OR5B3: variants seen among roughly 807,000 people sequenced by gnomAD.
OR5B3 encodes the protein olfactory receptor 5B3.
For missense variants in OR5B3, 430 were observed against 375.4 expected (o/e 1.15, Z -1.20); for synonymous variants, 150 against 135.0 (o/e 1.11, Z -0.77).
Position 58,402,749 on chromosome 11 carries a change from T to C in OR5B3, c.661A>G (p.Ile221Val), listed in dbSNP as rs1213974212. 2 of 1,613,862 alleles carry C rather than the reference T, an allele frequency of 1.2e-6. No individual in the cohort carries two copies. The highest frequency in any genetic ancestry group is 1.7e-5 in the Admixed American group (1 of 59,914). ...VILISYTFIF[I>V]TILKMHSASV... ...GCTGAGTGCATCTTTAGGATGGTGA[T>C]AAAAATGAATGTGTAGGATATCAAG... is the stretch of plus-strand genomic sequence containing the variant. Residue 221 changes from isoleucine (I) to valine (V), a missense_variant, in exon 2 of 2, where the codon ATC (isoleucine) becomes GTC (valine). By Grantham distance (29) the Ile-to-Val change is conservative. Coordinates refer to ENST00000641865, the MANE Select transcript of OR5B3 (RefSeq NM_001005469.2).
chr11:58,406,720 CTTA>C (rs1461670984), intron 1 of OR5B3, 78 bp downstream of exon 1: 1 of 152,154 alleles, frequency 6.6e-6, no homozygotes, highest in African/African-American at 2.4e-5. Context: ...TCTCAAATAG[CTTA>C]TAGTAGGTAT....
chr11:58,403,495 T>G, intron 1 of OR5B3, 60 bp from the exon 2 acceptor site: 2 of 752,664 alleles, frequency 2.7e-6, no homozygotes, highest in South Asian at 3.8e-5. Flanking sequence ...TTGAAAAGTA[T>G]AAGTACAATA....
At chr11:58,406,576 A>G (rs1228345453) in intron 1 of OR5B3, among the ~76,000 whole-genome samples, 7 of 152,094 alleles carry the variant, frequency 4.6e-5, no homozygotes, top group African/African-American at 1.4e-4. Flanking sequence ...AGCATCATCT[A>G]TCTTATTTTT....
In OR5B3 at chr11:58,402,516, T is replaced by A. The variant is rs973608510; in HGVS notation, c.894A>T (p.Ala298=). 6.2e-7 allele frequency: 1 copy of A among 1,613,516 alleles called. No individual in the cohort carries two copies. The highest frequency in any genetic ancestry group is 1.1e-5 in the South Asian group (1 of 91,074). ...TTGCCTTCTCAACAACTTTCTTGAA[T>A]GCACTCTTCACTTCCTTGTTCCTCA... ...YSLRNKEVKS[A]FKKVVEKAKL... The change falls in exon 2 of 2, where the codon GCA becomes GCT. Residue 298 remains alanine (A), a synonymous_variant. Coordinates refer to ENST00000641865, the MANE Select transcript of OR5B3 (RefSeq NM_001005469.2).
At position 58,402,486 on chromosome 11, in the gene OR5B3, C is replaced by T. The variant is rs753370348; in HGVS notation, c.924G>A (p.Leu308=). The change falls in exon 2 of 2, where the codon TTG becomes TTA. Residue 308 remains leucine (L), a synonymous_variant. Transcript: ENST00000641865. The part of the protein sequence containing the change: ...AFKKVVEKAK[L]SVGWSV ...AATGTTAAACTGACCATCCTACAGA[C>T]AATTTTGCCTTCTCAACAACTTTCT... is the stretch of plus-strand genomic sequence containing the variant. The T allele has an allele frequency of 2.5e-6, 4 of 1,607,900 alleles. No homozygotes were observed. Among genetic ancestry groups the T allele is most frequent in the Admixed American group, 3.3e-5 (2 of 59,950 alleles).
rs759638562 is a variant in OR5B3 at position 58,402,520 on chromosome 11, C to G, written c.890G>C (p.Ser297Thr). The stretch of plus-strand genomic sequence containing the variant: ...CTTCTCAACAACTTTCTTGAATGCA[C>G]TCTTCACTTCCTTGTTCCTCAGACT... ...VYSLRNKEVK[S>T]AFKKVVEKAK... Residue 297 changes from serine to threonine, a missense_variant, in exon 2 of 2, where the codon AGT (serine) becomes ACT (threonine). Physicochemically the swap from Ser to Thr is moderately conservative, Grantham distance 58. Transcript: ENST00000641865. The G allele has an allele frequency of 6.2e-7, 1 of 1,613,578 alleles. No individual in the cohort carries two copies. The highest frequency in any genetic ancestry group is 1.1e-5 in the South Asian group (1 of 91,066).
rs1009867712 is a variant in OR5B3 at position 58,402,548 on chromosome 11, A to G, written c.862T>C (p.Tyr288His). Residue 288 changes from tyrosine (Y) to histidine (H), a missense_variant, in exon 2 of 2, where the codon TAT becomes CAT. Physicochemically the swap from Tyr to His is moderately conservative, Grantham distance 83. Transcript: ENST00000641865. ...MVIPMLNPLV[Y>H]SLRNKEVKSA... ...TTCACTTCCTTGTTCCTCAGACTAT[A>G]GACCAGAGGGTTCAGCATGGGGATG... The G allele has an allele frequency of 5.6e-6, 9 of 1,613,702 alleles. No homozygotes were observed. The highest frequency in any genetic ancestry group is 1.7e-5 in the Admixed American group (1 of 59,982).
In OR5B3 at chr11:58,402,823, A is replaced by G; in HGVS notation, c.587T>C (p.Val196Ala). The change falls in exon 2 of 2, where the codon GTT becomes GCT. Residue 196 changes from valine to alanine, a missense_variant. Val to Ala is a moderately conservative substitution (Grantham distance 64). Transcript: ENST00000641865. ...ATTGAAGCTCACAACATAAATAAGA[A>G]CAAGCTCGCTAATATGTCTATCAGA... ...SCSDRHISELVLIYVVSFNIF... is the reference protein window; with the variant it reads ...SCSDRHISELALIYVVSFNIF... The G allele has an allele frequency of 6.2e-7, 1 of 1,613,890 alleles. No homozygotes were observed.
chr11:58,403,147 T>C lies in OR5B3; in HGVS notation c.263A>G (p.Lys88Arg), dbSNP rs1210374039. 6.2e-7 allele frequency: 1 copy of C among 1,614,018 alleles called. No individual in the cohort carries two copies. Among genetic ancestry groups the C allele is most frequent in the Non-Finnish European group, 8.5e-7 (1 of 1,179,898 alleles). Reference protein sequence around the residue: ...IVMAGFLIEDKVISYNACAAQ... With the variant: ...IVMAGFLIEDRVISYNACAAQ... ...AGCACATGCATTGTAAGAGATGACC[T>C]TGTCTTCTATAAGGAATCCAGCCAT... The change falls in exon 2 of 2, where the codon AAG (lysine) becomes AGG (arginine). Residue 88 changes from lysine to arginine, a missense_variant. By Grantham distance (26) the Lys-to-Arg change is conservative. Transcript: ENST00000641865.
intron 1 of OR5B3, 72 bp downstream of exon 1, chr11:58,406,729 G>T (rs1279831672): frequency 2.6e-5 from 4 of 152,076 alleles, no homozygotes; most frequent in African/African-American, 4.8e-5. Flanking sequence ...GCTTATAGTA[G>T]GTATAGCTGC....
At position 58,403,049 on chromosome 11, in the gene OR5B3, A is replaced by G; in HGVS notation, c.361T>C (p.Tyr121His). ...TGTAGGGGTTTGCACACTGCTGCAT[A>G]GCGGTCATAGGCCATTGAGGCCAAG... ...YLLASMAYDR[Y>H]AAVCKPLHYT... The change falls in exon 2 of 2, where the codon TAT (tyrosine) becomes CAT (histidine). Residue 121 changes from tyrosine to histidine, a missense_variant. Transcript: ENST00000641865. The G allele has an allele frequency of 6.2e-7, 1 of 1,614,126 alleles. No homozygotes were observed. The highest frequency in any genetic ancestry group is 8.5e-7 in the Non-Finnish European group (1 of 1,179,980).
At chr11:58,406,089 C>G (rs924804278) in intron 1 of OR5B3, among the ~76,000 whole-genome samples, 2 of 152,146 alleles carry the variant, frequency 1.3e-5, no homozygotes, top group Non-Finnish European at 2.9e-5. Context: ...CTTTAACATA[C>G]CTGACCGCAT....
intron 1 of OR5B3, among the ~76,000 whole-genome samples, chr11:58,404,494 G>C (rs1276202838): frequency 1.3e-5 from 2 of 151,416 alleles, no homozygotes; most frequent in South Asian, 2.1e-4. Context: ...GCAGGCATGG[G>C]TGAGCTTTGA....
intron 1 of OR5B3, among the ~76,000 whole-genome samples, chr11:58,406,044 C>T (rs971486561): frequency 7.2e-5 from 11 of 152,272 alleles, no homozygotes; most frequent in African/African-American, 2.6e-4. Context: ...AACTTCACTT[C>T]CCAAGCCTGA....
intron 1 of OR5B3, among the ~76,000 whole-genome samples, chr11:58,405,808 G>A (rs369563737): frequency 1.1e-4 from 17 of 151,834 alleles, no homozygotes; most frequent in Admixed American, 7.2e-4. Flanking sequence ...TCATCAGCAC[G>A]CTATTCACAA....
intron 1 of OR5B3, among the ~76,000 whole-genome samples, chr11:58,403,764 C>T (rs1367179676): frequency 1.3e-5 from 2 of 152,084 alleles, no homozygotes; most frequent in Non-Finnish European, 2.9e-5. Flanking sequence ...TAAAAGCTGA[C>T]ACATGTTGCT....
In OR5B3 at chr11:58,402,771, C is replaced by T. The variant is rs779739858; in HGVS notation, c.639G>A (p.Leu213=). Residue 213 remains leucine, a synonymous_variant, in exon 2 of 2, where the codon TTG becomes TTA. Coordinates refer to ENST00000641865, the MANE Select transcript of OR5B3 (RefSeq NM_001005469.2). ...TGATAAAAATGAATGTGTAGGATAT[C>T]AAGATAACCAGGAGAGCTATAAAGA... The part of the protein sequence containing the change: ...FNIFIALLVI[L]ISYTFIFITI... 50 of 1,613,714 alleles carry T rather than the reference C, an allele frequency of 3.1e-5. No individual in the cohort carries two copies. The highest frequency in any genetic ancestry group is 4.2e-5 in the Non-Finnish European group (50 of 1,179,952).
intron 1 of OR5B3, among the ~76,000 whole-genome samples, chr11:58,404,944 A>G (rs1855081559): frequency 6.6e-6 from 1 of 152,140 alleles, no homozygotes; most frequent in Non-Finnish European, 1.5e-5. Flanking sequence ...ACACGTGCAG[A>G]TTTCTTACGT....
rs78975225 is a variant in OR5B3, at chr11:58,402,672, G to A, written c.738C>T (p.Val246=). Residue 246 remains valine, a synonymous_variant, in exon 2 of 2, where the codon GTC becomes GTT. Coordinates refer to ENST00000641865, the MANE Select transcript of OR5B3 (RefSeq NM_001005469.2). ...LSTCASHFIA[V]GIFYGTIIFM... The stretch of plus-strand genomic sequence containing the variant: ...AGATAATAGTCCCATAGAAGATGCC[G>A]ACTGCAATGAAATGAGAGGCACAGG... The A allele has an allele frequency of 1.1e-3, 1,805 of 1,613,876 alleles. 18 individuals are homozygous for A. In the African/African-American group the frequency reaches 0.022, roughly 19 times the overall value.
Sources: allele counts gnomAD v4.1 joint callset (sites outside exome capture counted in the v4.1 genomes callset), GRCh38; gene constraint gnomAD v4.1.1; transcripts MANE v1.5; gene names NCBI Gene and HGNC (gene_info 2026-07-23, HGNC 2026-07-21).